GALNT14: variants seen among roughly 807,000 people sequenced by gnomAD.
GALNT14 encodes polypeptide N-acetylgalactosaminyltransferase 14, also known as UDP-GalNAc:polypeptide N-acetylgalactosaminyltransferase 14.
A neutral mutation model predicts 77.5 loss-of-function variants in GALNT14; 60 were observed. The ratio of observed to expected loss-of-function variants is 0.77; its 90% confidence interval spans 0.63 to 0.96. The LOEUF (loss-of-function observed/expected upper bound fraction) is 0.96. Among genes scored for constraint, GALNT14 ranks in the 40% least tolerant of loss-of-function variants. GALNT14 has a pLI of 0.00. For missense variants in GALNT14, 710 were observed against 731.0 expected, an observed-to-expected ratio of 0.97 and a Z score of 0.33; for synonymous variants, 280 against 281.7, an observed-to-expected ratio of 0.99 and a Z score of 0.06.
intron 1 of GALNT14, among the ~76,000 whole-genome samples, chr2:31,116,884 C>G (rs62142998): frequency 6.6e-6 from 1 of 151,930 alleles, no homozygotes; most frequent in African/African-American, 2.4e-5. Flanking sequence ...ACTAAAAATA[C>G]AAAATTAGCC....
rs1676871225 is a variant in GALNT14, at chr2:31,093,729, C to T, written c.129+44229G>A. On this transcript the variant is annotated intron_variant, in intron 1 of 14. Transcript: ENST00000349752. ...TTATTATTATCTATCATGTATACAT[C>T]ACTTTATTTCTGTAGCATCCAGCAG... 2.0e-5 allele frequency among the ~76,000 whole-genome samples: 3 copies of T among 152,228 alleles called. No individual in the cohort carries two copies. In the South Asian group the frequency reaches 6.2e-4, roughly 32 times the overall value.
intron 1 of GALNT14, among the ~76,000 whole-genome samples, chr2:31,061,640 A>G (rs949839337): frequency 6.6e-6 from 1 of 152,052 alleles, no homozygotes; most frequent in Non-Finnish European, 1.5e-5. Context: ...TCTGACCACT[A>G]TCACCTCCAG....
intron 1 of GALNT14, among the ~76,000 whole-genome samples, chr2:31,115,611 T>C (rs1241627509): frequency 6.6e-6 from 1 of 152,240 alleles, no homozygotes; most frequent in Non-Finnish European, 1.5e-5. Context: ...AAAGAAAATC[T>C]GAACATTTAG....
intron 7 of GALNT14, 69 bp downstream of exon 7, chr2:30,945,714 C>T (rs967264797): frequency 2.8e-5 from 35 of 1,256,876 alleles, no homozygotes; most frequent in Admixed American, 6.8e-5. Flanking sequence ...CTTCACTCTC[C>T]CCACTTAAAA....
intron 11 of GALNT14, 68 bp from the exon 12 acceptor site, chr2:30,924,891 C>G: frequency 4.5e-6 from 6 of 1,324,708 alleles, no homozygotes; most frequent in African/African-American, 1.4e-5. Context: ...GCGCCAGCAA[C>G]GCCAGTCCAG....
chr2:31,012,943 T>C (rs1671126292), intron 1 of GALNT14, among the ~76,000 whole-genome samples: 1 of 151,546 alleles, frequency 6.6e-6, no homozygotes, highest in South Asian at 2.1e-4. Context: ...AATAAAGCAA[T>C]GGAATAAAGA....
chr2:30,961,170 T>C (rs1030411240), intron 3 of GALNT14, among the ~76,000 whole-genome samples: 1 of 152,254 alleles, frequency 6.6e-6, no homozygotes, highest in Non-Finnish European at 1.5e-5. Flanking sequence ...CATTTCCTCC[T>C]GTAATTACAT....
intron 1 of GALNT14, among the ~76,000 whole-genome samples, chr2:31,022,572 A>G (rs1671787942): frequency 6.6e-6 from 1 of 152,208 alleles, no homozygotes; most frequent in African/African-American, 2.4e-5. Flanking sequence ...CTTCCCACTT[A>G]GCACATGTGT....
intron 2 of GALNT14, among the ~76,000 whole-genome samples, chr2:30,979,713 C>T (rs993514721): frequency 7.9e-5 from 12 of 152,258 alleles, no homozygotes; most frequent in East Asian, 1.9e-4. Context: ...GAGTCCCCAG[C>T]GGATTCCTGC....
At chr2:30,903,463 G>A in the GALNT14 span, among the ~76,000 whole-genome samples, 4 of 152,230 alleles carry the variant, frequency 2.6e-5, no homozygotes, top group South Asian at 2.1e-4. Context: ...TTGGTGGCAC[G>A]CTTGCCATCC....
At chr2:31,078,934 T>C (rs942827724) in intron 1 of GALNT14, 3 of 1,289,168 alleles carry the variant, frequency 2.3e-6, no homozygotes, top group East Asian at 1.1e-4. Context: ...TCTGACTCAC[T>C]GGACACGACT....
intron 1 of GALNT14, among the ~76,000 whole-genome samples, chr2:31,072,772 G>C (rs189183886): frequency 6.6e-6 from 1 of 152,262 alleles, no homozygotes; most frequent in East Asian, 1.9e-4. Context: ...GCCAGACAGG[G>C]TGGCTCAGTC....
intron 1 of GALNT14, among the ~76,000 whole-genome samples, chr2:31,034,877 C>G (rs1207461502): frequency 2.0e-5 from 3 of 152,198 alleles, no homozygotes; most frequent in African/African-American, 4.8e-5. Flanking sequence ...GAGTGTGTCA[C>G]TTACTTTCCA....
chr2:30,992,427 G>A (rs1164349515), intron 2 of GALNT14, among the ~76,000 whole-genome samples: 7 of 152,068 alleles, frequency 4.6e-5, no homozygotes, highest in East Asian at 3.9e-4. Flanking sequence ...AGAAAACACC[G>A]CCCACCTACC....
chr2:30,967,776 C>T (rs768080629), intron 2 of GALNT14, among the ~76,000 whole-genome samples: 1 of 152,076 alleles, frequency 6.6e-6, no homozygotes, highest in East Asian at 1.9e-4. Context: ...ATGTCCTGTC[C>T]ACCACATAGC....
At chr2:31,010,171 A>C (rs2148438993) in intron 1 of GALNT14, among the ~76,000 whole-genome samples, 2 of 152,314 alleles carry the variant, frequency 1.3e-5, no homozygotes, top group Middle Eastern at 6.8e-3. Context: ...TCTTTTTAGT[A>C]GAGACGGGGT....
chr2:30,983,778 A>AACAC (rs60061697), intron 2 of GALNT14, among the ~76,000 whole-genome samples: 23 of 120,554 alleles, frequency 1.9e-4, no homozygotes, highest in South Asian at 3.1e-4. Flanking sequence ...TCACAAGTCA[A>AACAC]ACACACACAC....
intron 9 of GALNT14, among the ~76,000 whole-genome samples, chr2:30,937,366 G>A (rs1666116810): frequency 6.6e-6 from 1 of 152,206 alleles, no homozygotes. Context: ...TAGTGGGTGG[G>A]TTTGGCGGAG....
At chr2:31,026,304 C>A (rs1365764361) in intron 1 of GALNT14, among the ~76,000 whole-genome samples, 3 of 152,212 alleles carry the variant, frequency 2.0e-5, no homozygotes, top group African/African-American at 7.2e-5. Flanking sequence ...ACTCTTCCCA[C>A]AATTATGGCT....
Sources: gnomAD v4.1 joint callset for allele counts (sites outside exome capture counted in the v4.1 genomes callset) on GRCh38, gnomAD v4.1.1 for gene constraint, MANE v1.5 for transcripts, NCBI Gene and HGNC (gene_info 2026-07-23, HGNC 2026-07-21) for gene names.